Variants in SERINC2 observed in about 807,000 individuals in gnomAD.
The protein encoded by SERINC2 is tumor differentially expressed protein 2.
SERINC2 carries 56 observed loss-of-function variants against 54.2 expected under a neutral mutation model. The ratio of observed to expected loss-of-function variants is 1.03; its 90% confidence interval spans 0.83 to 1.29. The LOEUF (loss-of-function observed/expected upper bound fraction) is 1.29, where lower values mean the gene tolerates loss of function less well. SERINC2 is among the 50% of genes most tolerant of loss of function. SERINC2 has a pLI of 0.00. For missense variants in SERINC2, 614 were observed against 607.4 expected (o/e 1.01, Z -0.12); for synonymous variants, 272 against 253.1 (o/e 1.07, Z -0.71).
At chr1:31,421,661 G>A (rs1253402613) in intron 1 of SERINC2, among the ~76,000 whole-genome samples, 2 of 152,042 alleles carry the variant, frequency 1.3e-5, no homozygotes, top group African/African-American at 4.8e-5. Context: ...TCTCTGAGGA[G>A]CAAGGGGCCC....
At chr1:31,417,620 A>C (rs368388356) in intron 1 of SERINC2, among the ~76,000 whole-genome samples, 1 of 152,182 alleles carries the variant, frequency 6.6e-6, no homozygotes, top group African/African-American at 2.4e-5. Context: ...TTATGCAACC[A>C]TCACCACCAT....
chr1:31,431,127 C>A (rs1553134401), intron 8 of SERINC2, among the ~76,000 whole-genome samples: 1 of 147,014 alleles, frequency 6.8e-6, no homozygotes, highest in Non-Finnish European at 1.5e-5. Context: ...CCCCCCTCCT[C>A]TCTCTTTTCT....
Position 31,426,614 on chromosome 1 carries a change from C to A in SERINC2, c.611-40C>A, listed in dbSNP as rs782093965. 3.9e-6 allele frequency: 6 copies of A among 1,549,926 alleles called. No homozygotes were observed. The East Asian group carries it at 1.4e-4, about 36-fold the overall frequency. ...GAGTAGGGATCCCTGTTCCTCCTGC[C>A]CCACCCACTGCCTACCCTCTCACTA... On this transcript the variant is annotated intron_variant, in intron 5 of 9. Coordinates refer to ENST00000373709, the MANE Select transcript of SERINC2 (RefSeq NM_178865.5).
At chr1:31,432,149 G>C (rs1641300450) in intron 8 of SERINC2, among the ~76,000 whole-genome samples, 1 of 142,884 alleles carries the variant, frequency 7.0e-6, no homozygotes, top group African/African-American at 2.7e-5. Context: ...AGGGTGGACA[G>C]GGTGGACAGG....
At position 31,431,805 on chromosome 1, in the gene SERINC2, C is replaced by CAGGGTGGAT. The variant is rs1641224644; in HGVS notation, c.1014-1154_1014-1153insTAGGGTGGA. Among the ~76,000 whole-genome samples the CAGGGTGGAT allele has an allele frequency of 1.6e-3, 65 of 40,646 alleles. 3 individuals carry two copies. The highest frequency in any genetic ancestry group is 3.2e-3 in the African/African-American group (53 of 16,586). The allele number at this position is 40,646 out of a possible 152,430, so 26.7% of individuals were successfully genotyped here. ...GGGTGGATAGGGTGGATAGGGTGGA[C>CAGGGTGGAT]AGGGTGGACAGGGTGGATAGGGTGG... On this transcript the variant is annotated intron_variant, in intron 8 of 9. Coordinates refer to ENST00000373709, the MANE Select transcript of SERINC2 (RefSeq NM_178865.5).
At chr1:31,425,973 C>T (rs1416042389) in intron 5 of SERINC2, 60 bp downstream of exon 5, 2 of 1,553,870 alleles carry the variant, frequency 1.3e-6, no homozygotes, top group Non-Finnish European at 1.7e-6. Flanking sequence ...CTGGGGCTGC[C>T]TGAGAAATCG....
In SERINC2 at chr1:31,432,129, T is replaced by TAGGGTGGAGAGGGTGGAG. The variant is rs1641294125; in HGVS notation, c.1014-830_1014-829insGAGGGTGGAGAGGGTGGA. On this transcript the variant is annotated intron_variant, in intron 8 of 9. Coordinates refer to ENST00000373709, the MANE Select transcript of SERINC2 (RefSeq NM_178865.5). ...GGGTGGATAGGGTGGTTAGGGTGGA[T>TAGGGTGGAGAGGGTGGAG]AGGGTGGACAGGGTGGACAGGGTGG... Among the ~76,000 whole-genome samples the TAGGGTGGAGAGGGTGGAG allele has an allele frequency of 2.0e-4, 2 of 9,884 alleles. 1 individual carries two copies. Among genetic ancestry groups the TAGGGTGGAGAGGGTGGAG allele is most frequent in the Non-Finnish European group, 5.2e-4 (2 of 3,848 alleles). The allele number at this position is 9,884 out of a possible 152,430, so 6.5% of individuals were successfully genotyped here.
upstream of SERINC2, chr1:31,409,796 A>G: frequency 2.6e-6 from 4 of 1,550,522 alleles, no homozygotes; most frequent in Non-Finnish European, 2.6e-6. Context: ...AGCGAAGCCC[A>G]AGGGATAGGA....
chr1:31,421,242 C>T (rs1259696722), intron 1 of SERINC2, among the ~76,000 whole-genome samples: 3 of 152,202 alleles, frequency 2.0e-5, no homozygotes, highest in African/African-American at 7.2e-5. Context: ...ACAGTTTCAT[C>T]CCAAAACCAT....
chr1:31,429,674 G>T, intron 8 of SERINC2, 136 bp downstream of exon 8: 1 of 1,003,640 alleles, frequency 1.0e-6, no homozygotes, highest in East Asian at 2.8e-5. Flanking sequence ...TGCATTGTGC[G>T]GGAGGGGAAA....
At chr1:31,410,099 C>T (rs1398867996), upstream of SERINC2, 29 of 1,268,154 alleles carry the variant, frequency 2.3e-5, no homozygotes, top group Non-Finnish European at 2.8e-5. Flanking sequence ...ACATGGTTTA[C>T]ATAGCATTGG....
chr1:31,414,150 C>G (rs1026626324), intron 1 of SERINC2: 32 of 1,410,250 alleles, frequency 2.3e-5, no homozygotes, highest in Non-Finnish European at 2.9e-5. Flanking sequence ...GGGGAGTGCC[C>G]GGTCGCGGGT....
rs1553134732 is a variant in SERINC2, at chr1:31,432,135, GGA to G, written c.1014-831_1014-830del. Reference sequence around the variant, plus strand: ...ATAGGGTGGTTAGGGTGGATAGGGTGGACAGGGTGGACAGGGTGGACAGGGTG... The same window carrying G: ...ATAGGGTGGTTAGGGTGGATAGGGTGCAGGGTGGACAGGGTGGACAGGGTG... On this transcript the variant is annotated intron_variant, in intron 8 of 9. Transcript: ENST00000373709. Among the ~76,000 whole-genome samples the G allele has an allele frequency of 1.5e-5, 2 of 133,250 alleles. 1 individual carries two copies. Among genetic ancestry groups the G allele is most frequent in the African/African-American group, 6.0e-5 (2 of 33,088 alleles). 87.4% of individuals were successfully genotyped at this position (133,250 alleles called of 152,430 possible).
At chr1:31,410,295 G>A, upstream of SERINC2, 2 of 1,524,442 alleles carry the variant, frequency 1.3e-6, no homozygotes, top group African/African-American at 2.8e-5. Context: ...AGGACACCAA[G>A]AAATGAAGCT....
At chr1:31,429,286 G>A in intron 7 of SERINC2, 111 bp from the exon 8 acceptor site, 1 of 1,351,060 alleles carries the variant, frequency 7.4e-7, no homozygotes, top group Non-Finnish European at 1.0e-6. Flanking sequence ...TTGAGTGGTT[G>A]GCTGTGTATC....
In SERINC2 at chr1:31,425,827, T is replaced by G; in HGVS notation, c.524T>G (p.Leu175Arg). The G allele has an allele frequency of 6.2e-7, 1 of 1,613,744 alleles. No individual in the cohort carries two copies. The highest frequency in any genetic ancestry group is 8.5e-7 in the Non-Finnish European group (1 of 1,179,944). ...VGSFLFILIQ[L>R]VLLIDFAHSW... is the part of the protein sequence containing the mutation. ...TCCTTCCTCTTCATCCTCATCCAGCTGGTGCTGCTCATCGACTTTGCGCAC... is the reference window on the plus strand; with the variant it reads ...TCCTTCCTCTTCATCCTCATCCAGCGGGTGCTGCTCATCGACTTTGCGCAC... Residue 175 changes from leucine (L) to arginine (R), a missense_variant, in exon 5 of 10, where the codon CTG becomes CGG. By Grantham distance (102) the Leu-to-Arg change is moderately radical. Transcript: ENST00000373709.
At chr1:31,413,085 G>T (rs1340192869), upstream of SERINC2, 2 of 976,514 alleles carry the variant, frequency 2.0e-6, no homozygotes, top group Non-Finnish European at 2.4e-6. The surrounding 1 kb of genome is among the most constrained non-coding windows in gnomAD (Gnocchi z 5.0). Flanking sequence ...CCCTCCTGGC[G>T]CACCTGCCCC....
intron 1 of SERINC2, among the ~76,000 whole-genome samples, chr1:31,417,581 T>A (rs1570030404): frequency 6.6e-6 from 1 of 152,316 alleles, no homozygotes; most frequent in East Asian, 1.9e-4. Flanking sequence ...TAACAATTTT[T>A]AAGTGTAGCA....
intron 1 of SERINC2, chr1:31,415,910 G>A (rs1410369325): frequency 2.0e-6 from 2 of 985,514 alleles, no homozygotes; most frequent in African/African-American, 3.5e-5. Context: ...GGCTGAAGGT[G>A]GGTCCTGCTT....
Sources: allele counts gnomAD v4.1 joint callset (sites outside exome capture counted in the v4.1 genomes callset), GRCh38; gene constraint gnomAD v4.1.1; non-coding constraint Gnocchi (gnomAD v3.1); transcripts MANE v1.5; gene names NCBI Gene and HGNC (gene_info 2026-07-23, HGNC 2026-07-21).